Variants in UNC5D observed in about 807,000 individuals in gnomAD.
UNC5D encodes unc-5 netrin receptor D.
In UNC5D, 39 loss-of-function variants were observed where a neutral mutation model predicts 105.4. The observed-to-expected ratio is 0.37, with a 90% CI of 0.29 to 0.48. UNC5D has a LOEUF of 0.48. Among genes scored for constraint, UNC5D ranks in the 20% least tolerant of loss-of-function variants. The pLI is 0.98. For missense variants in UNC5D, 991 were observed against 1,202.4 expected, an observed-to-expected ratio of 0.82 and a Z score of 2.60; for synonymous variants, 452 against 450.4, an observed-to-expected ratio of 1.00 and a Z score of -0.04.
intron 4 of UNC5D, among the ~76,000 whole-genome samples, chr8:35,626,174 C>T (rs1295820915): frequency 6.6e-6 from 1 of 151,134 alleles, no homozygotes; most frequent in Non-Finnish European, 1.5e-5. Flanking sequence ...ATGGATTTCT[C>T]TCCCTGGGGC....
chr8:35,534,278 T>C (rs1215945538), intron 1 of UNC5D, among the ~76,000 whole-genome samples: 1 of 152,210 alleles, frequency 6.6e-6, no homozygotes, highest in Admixed American at 6.5e-5. Flanking sequence ...CTGACACTGT[T>C]GTGCCATTGT....
Position 35,657,112 on chromosome 8 carries a change from A to G in UNC5D, c.571-26435A>G, listed in dbSNP as rs376913879. ...TATATATATATATATATATATATAT[A>G]TATATATATATGCCAGTTGCTTTTT... On this transcript the variant is annotated intron_variant, in intron 4 of 16. Coordinates refer to ENST00000404895, the MANE Select transcript of UNC5D (RefSeq NM_080872.4). 8.5e-4 allele frequency among the ~76,000 whole-genome samples: 98 copies of G among 114,716 alleles called. 1 individual carries two copies. The highest frequency in any genetic ancestry group is 9.0e-3 in the Middle Eastern group (2 of 222). 75.3% of individuals were successfully genotyped at this position (114,716 alleles called of 152,430 possible).
intron 7 of UNC5D, among the ~76,000 whole-genome samples, chr8:35,692,817 T>G (rs1826498869): frequency 6.6e-6 from 1 of 152,216 alleles, no homozygotes; most frequent in South Asian, 2.1e-4. Flanking sequence ...TACTTTTAAT[T>G]TATAGGACAT....
At chr8:35,763,121 CTTCTAA>C (rs1474859444) in intron 14 of UNC5D, among the ~76,000 whole-genome samples, 12 of 152,134 alleles carry the variant, frequency 7.9e-5, no homozygotes, top group African/African-American at 2.4e-4. Context: ...AATCACGGTG[CTTCTAA>C]TTCTATTATT....
chr8:35,368,222 T>C (rs1254865558), intron 1 of UNC5D, among the ~76,000 whole-genome samples: 10 of 152,210 alleles, frequency 6.6e-5, no homozygotes. Context: ...ATTTCAAACC[T>C]GTAGAGAGGC....
At chr8:35,668,943 C>T (rs977923411) in intron 4 of UNC5D, among the ~76,000 whole-genome samples, 3 of 151,968 alleles carry the variant, frequency 2.0e-5, no homozygotes, top group African/African-American at 4.8e-5. Context: ...ACCTTATGAT[C>T]AGCATACTTC....
intron 1 of UNC5D, among the ~76,000 whole-genome samples, chr8:35,443,918 AG>A (rs1807603046): frequency 6.6e-6 from 1 of 151,946 alleles, no homozygotes; most frequent in South Asian, 2.1e-4. Context: ...GATATAAGAA[AG>A]GGTCACTTTC....
At chr8:35,724,907 C>A (rs1182047431) in intron 9 of UNC5D, among the ~76,000 whole-genome samples, 2 of 152,066 alleles carry the variant, frequency 1.3e-5, no homozygotes, top group Non-Finnish European at 2.9e-5. Context: ...CCTGATGGTA[C>A]CTGGGTCTTG....
intron 4 of UNC5D, among the ~76,000 whole-genome samples, chr8:35,599,436 C>T (rs903786282): frequency 5.3e-5 from 8 of 151,940 alleles, no homozygotes; most frequent in South Asian, 2.1e-4. Context: ...TTTAGCCATT[C>T]GACAGTACAC....
chr8:35,604,475 C>T (rs1249379097), intron 4 of UNC5D, among the ~76,000 whole-genome samples: 1 of 152,172 alleles, frequency 6.6e-6, no homozygotes, highest in Non-Finnish European at 1.5e-5. Context: ...CTGCCCTTAA[C>T]ATTTTTTCCT....
intron 1 of UNC5D, among the ~76,000 whole-genome samples, chr8:35,466,070 A>AT (rs1809286224): frequency 6.6e-6 from 1 of 152,190 alleles, no homozygotes; most frequent in Non-Finnish European, 1.5e-5. Flanking sequence ...CTTCAGAACT[A>AT]TAAGATGACG....
In UNC5D at chr8:35,793,567, A is replaced by T. The variant is rs1563770626; in HGVS notation, c.*3004A>T. 6.5e-6 allele frequency: 1 copy of T among 154,746 alleles called. No homozygotes were observed. Among genetic ancestry groups the T allele is most frequent in the South Asian group, 2.0e-4 (1 of 5,044 alleles). The allele number at this position is 154,746 out of a possible 1,614,324, so 9.6% of individuals were successfully genotyped here. A position where few individuals can be genotyped will look rare whatever the true frequency, so the allele number is the denominator to read the frequency against. On this transcript the variant is annotated 3_prime_UTR_variant, in exon 17 of 17. Coordinates refer to ENST00000404895, the MANE Select transcript of UNC5D (RefSeq NM_080872.4). ...TCAAAGGCATTTAAGTCCAATAGTC[A>T]TGCTTTAAATATGGCTTTAAATTAT... is the stretch of plus-strand genomic sequence containing the variant.
chr8:35,730,006 T>C (rs1829100177), intron 10 of UNC5D, among the ~76,000 whole-genome samples: 1 of 152,240 alleles, frequency 6.6e-6, no homozygotes, highest in East Asian at 1.9e-4. Flanking sequence ...TCTCTAGATT[T>C]AAATTATCAT....
At chr8:35,434,266 A>G (rs1448283590) in intron 1 of UNC5D, among the ~76,000 whole-genome samples, 1 of 152,104 alleles carries the variant, frequency 6.6e-6, no homozygotes, top group Non-Finnish European at 1.5e-5. Context: ...AAATTTGGTA[A>G]CATTTTAATG....
At chr8:35,349,902 A>G (rs1474837436) in intron 1 of UNC5D, among the ~76,000 whole-genome samples, 1 of 152,044 alleles carries the variant, frequency 6.6e-6, no homozygotes, top group Non-Finnish European at 1.5e-5. Context: ...AGTAAAGGAT[A>G]CAGTGATTAA....
intron 1 of UNC5D, among the ~76,000 whole-genome samples, chr8:35,444,952 T>A (rs1807674469): frequency 6.6e-6 from 1 of 152,090 alleles, no homozygotes; most frequent in Non-Finnish European, 1.5e-5. Context: ...TTCTTCTGTT[T>A]ACTTTCAAAG....
At chr8:35,603,944 T>C (rs868000495) in intron 4 of UNC5D, among the ~76,000 whole-genome samples, 25 of 152,270 alleles carry the variant, frequency 1.6e-4, no homozygotes, top group Admixed American at 8.5e-4. Context: ...TGTCTCTGCA[T>C]GTGAGATGGG....
chr8:35,312,818 T>C (rs1808998044), intron 1 of UNC5D, among the ~76,000 whole-genome samples: 1 of 152,210 alleles, frequency 6.6e-6, no homozygotes, highest in African/African-American at 2.4e-5. Context: ...TATTCCGTAA[T>C]ATAAACTCTC....
chr8:35,280,226 A>G (rs1736056506), intron 1 of UNC5D, among the ~76,000 whole-genome samples: 1 of 151,944 alleles, frequency 6.6e-6, no homozygotes, highest in African/African-American at 2.4e-5. Flanking sequence ...GAACTCCTGA[A>G]CTCAAGTGAT....
Sources: allele counts gnomAD v4.1 joint callset (sites outside exome capture counted in the v4.1 genomes callset), GRCh38; gene constraint gnomAD v4.1.1; transcripts MANE v1.5; gene names NCBI Gene and HGNC (gene_info 2026-07-23, HGNC 2026-07-21).